Variants in PSRC1 observed in about 807,000 individuals in gnomAD.
The protein encoded by PSRC1 is proline and serine rich coiled-coil 1.
PSRC1 carries 30 observed loss-of-function variants against 31.9 expected under a neutral mutation model. That is an observed-to-expected ratio of 0.94 (90% CI 0.70 to 1.28). The LOEUF (loss-of-function observed/expected upper bound fraction) is 1.28, where lower values mean the gene tolerates loss of function less well. PSRC1 is among the 50% of genes most tolerant of loss of function. The probability of loss-of-function intolerance (pLI) is 0.00; values close to 1 mark genes in which losing one functional copy is unlikely to be tolerated. For synonymous variants in PSRC1, 191 were observed against 192.1 expected (o/e 0.99, Z 0.05); for missense variants, 481 against 472.8 (o/e 1.02, Z -0.16).
At chr1:109,282,024 T>G (rs951228849) in exon 4 of PSRC1, 25 of 1,507,146 alleles carry the variant, frequency 1.7e-5, no homozygotes, top group Non-Finnish European at 2.1e-5. Flanking sequence ...GTGGTTTCTC[T>G]GGAGTCACCA....
intron 4 of PSRC1, 163 bp from the exon 5 acceptor site, chr1:109,281,414 C>T: frequency 1.3e-6 from 1 of 746,904 alleles, no homozygotes; most frequent in Non-Finnish European, 2.2e-6. Context: ...TCACTATTGC[C>T]AATACCATTT....
exon 7 of PSRC1, chr1:109,279,863 C>T: frequency 2.1e-6 from 1 of 485,852 alleles, no homozygotes; most frequent in Non-Finnish European, 3.7e-6. Flanking sequence ...TGGATAAAGA[C>T]AAACCACTTG....
intron 4 of PSRC1, 155 bp downstream of exon 4, chr1:109,281,464 A>T (rs1355157518): frequency 1.3e-6 from 1 of 779,672 alleles, no homozygotes; most frequent in African/African-American, 1.8e-5. Context: ...CACTGTGGTA[A>T]GAGTTTTGGT....
Position 109,282,050 on chromosome 1 carries a change from C to T in PSRC1, c.88G>A (p.Glu30Lys), listed in dbSNP as rs373921464. The T allele has an allele frequency of 5.8e-5, 86 of 1,493,074 alleles. No homozygotes were observed. The highest frequency in any genetic ancestry group is 7.0e-5 in the Non-Finnish European group (79 of 1,121,496). 92.5% of individuals were successfully genotyped at this position (1,493,074 alleles called of 1,614,324 possible). A position where few individuals can be genotyped will look rare whatever the true frequency, so the allele number is the denominator to read the frequency against. ...GGAGTCACCAACACTGTTATGTCTT[C>T]CTCCTCACGGCTGAGACAGGAAACA... The change falls in exon 4 of 7, where the codon GAA (glutamate) becomes AAA (lysine). Residue 30 changes from glutamate (E) to lysine (K), a missense_variant. Coordinates refer to ENST00000409138, the Ensembl canonical transcript of PSRC1.
exon 7 of PSRC1, chr1:109,279,998 A>G (rs1045529790): frequency 1.1e-6 from 1 of 902,142 alleles, no homozygotes; most frequent in African/African-American, 1.6e-5. Context: ...CCCATTTCCC[A>G]TGGTCTCTAC....
chr1:109,280,683 G>T (rs1356416190), intron 5 of PSRC1, 94 bp downstream of exon 6: 3 of 1,107,738 alleles, frequency 2.7e-6, no homozygotes, highest in African/African-American at 1.6e-5. Flanking sequence ...CAATTGAATT[G>T]CAATAAGGAT....
chr1:109,282,397 A>AG, intron 3 of PSRC1, 121 bp downstream of exon 3: 2 of 875,528 alleles, frequency 2.3e-6, no homozygotes. Flanking sequence ...CCAGCCGCCC[A>AG]GCAGCCCCAA....
At chr1:109,280,371 A>G (rs2101333352) in intron 6 of PSRC1, 25 bp downstream of exon 7, 1 of 1,573,166 alleles carries the variant, frequency 6.4e-7, no homozygotes, top group South Asian at 1.1e-5. Context: ...GGGAGACAGG[A>G]TGGGCAAGGG....
At chr1:109,282,998 A>C in intron 1 of PSRC1, 65 bp downstream of exon 1, 2 of 558,138 alleles carry the variant, frequency 3.6e-6, no homozygotes, top group Non-Finnish European at 6.4e-6. Context: ...CCCCGCCACT[A>C]TCCTCAGGGT....
chr1:109,280,279 C>T, intron 6 of PSRC1, 117 bp downstream of exon 7: 2 of 1,402,268 alleles, frequency 1.4e-6, no homozygotes, highest in Non-Finnish European at 2.0e-6. Context: ...CTGCCCCAGG[C>T]TCCCCTCCTC....
exon 4 of PSRC1, chr1:109,281,853 A>C: frequency 6.2e-7 from 1 of 1,613,704 alleles, no homozygotes; most frequent in Non-Finnish European, 8.5e-7. Context: ...CGCTCTCCCG[A>C]TCCTGCAGGG....
rs891555317 is a variant in PSRC1 at position 109,280,794 on chromosome 1, C to T, written c.977G>A (p.Arg326Gln). ...CCTCTTACCCTTGTGTCCACTTTCC[C>T]GCACTCTGTGTCCTGCAGTGCTTGG... The change falls in exon 5 of 7, where the codon CGG becomes CAG. Residue 326 changes from arginine to glutamine, a missense_variant. Coordinates refer to ENST00000409138, the Ensembl canonical transcript of PSRC1. The T allele has an allele frequency of 1.1e-5, 17 of 1,580,598 alleles. No individual in the cohort carries two copies. The highest frequency in any genetic ancestry group is 1.7e-4 in the Middle Eastern group (1 of 5,846).
In PSRC1 at chr1:109,281,138, G is replaced by A. The variant is rs753029210; in HGVS notation, c.633C>T (p.Ala211=). The A allele has an allele frequency of 2.2e-5, 35 of 1,613,598 alleles. No homozygotes were observed. In the Middle Eastern group the frequency reaches 3.1e-3, roughly 144 times the overall value. ...ACTTGGCTGCTCTGGTCTCCTCACT[G>A]GCTGCTGCTCTCCCACTGGGCCCGG... Residue 211 remains alanine (A), a synonymous_variant, in exon 5 of 7, where the codon GCC becomes GCT. Transcript: ENST00000409138.
intron 5 of PSRC1, 59 bp downstream of exon 6, chr1:109,280,718 C>A: frequency 7.1e-7 from 1 of 1,402,262 alleles, no homozygotes; most frequent in Non-Finnish European, 9.7e-7. Flanking sequence ...CTGTTGACAG[C>A]TCTGGGAGGG....
rs1422952937 is a variant in PSRC1 at position 109,281,049 on chromosome 1, G to C, written c.722C>G (p.Pro241Arg). Residue 241 changes from proline (P) to arginine (R), a missense_variant, in exon 5 of 7, where the codon CCA (proline) becomes CGA (arginine). Pro to Arg is a moderately radical substitution (Grantham distance 103). Transcript: ENST00000409138. ...GGATCTGATGGGGGTGGGTGGGCCT[G>C]GTGGAGAGGGGTGGAGAAATTTCAG... 2 of 1,613,228 alleles carry C rather than the reference G, an allele frequency of 1.2e-6. No homozygotes were observed. Among genetic ancestry groups the C allele is most frequent in the Non-Finnish European group, 1.7e-6 (2 of 1,179,790 alleles).
At chr1:109,280,119 T>C in exon 7 of PSRC1, 3 of 1,614,144 alleles carry the variant, frequency 1.9e-6, no homozygotes, top group Non-Finnish European at 2.5e-6. Context: ...TGTAGTGGTT[T>C]GCTACTGAAG....
exon 6 of PSRC1, chr1:109,280,423 C>G (rs1390902016): frequency 1.2e-6 from 2 of 1,612,994 alleles, no homozygotes; most frequent in Non-Finnish European, 8.5e-7. Flanking sequence ...TGCCACTTTC[C>G]TGGGGGGCTG....
intron 2 of PSRC1, 32 bp downstream of exon 2, chr1:109,282,648 C>T: frequency 1.3e-6 from 2 of 1,588,186 alleles, no homozygotes; most frequent in Non-Finnish European, 1.7e-6. Context: ...TCTCACTCCT[C>T]CCTTTCATTC....
chr1:109,281,282 T>TA, intron 4 of PSRC1, 31 bp from the exon 5 acceptor site: 1 of 1,497,366 alleles, frequency 6.7e-7, no homozygotes. Flanking sequence ...GAAAAAAGAC[T>TA]AGAGTGGAAA....
Sources: allele counts gnomAD v4.1 joint callset, GRCh38; gene constraint gnomAD v4.1.1; transcripts MANE v1.5; gene names NCBI Gene and HGNC (gene_info 2026-07-23, HGNC 2026-07-21).